CDH13: variants seen among roughly 807,000 people sequenced by gnomAD.
The protein encoded by CDH13 is cadherin-13.
A neutral mutation model predicts 63.8 loss-of-function variants in CDH13; 24 were observed. The observed-to-expected ratio is 0.38, with a 90% CI of 0.27 to 0.53. The LOEUF is 0.53. Ranked by LOEUF, CDH13 falls within the 20% of genes least tolerant of loss-of-function variation. The pLI, the probability that CDH13 is intolerant of heterozygous loss-of-function variation, is 0.85. For missense variants in CDH13, 1,049 were observed against 903.1 expected, an observed-to-expected ratio of 1.16 and a Z score of -2.07; for synonymous variants, 503 against 355.3, an observed-to-expected ratio of 1.42 and a Z score of -4.67.
chr16:83,007,816 G>A lies in CDH13; in HGVS notation c.158-24194G>A, dbSNP rs144056169. On this transcript the variant is annotated intron_variant, in intron 2 of 13. Transcript: ENST00000567109. ...TCTAGTCTGGGCAACAGAGCAAGAC[G>A]ACTCTGTCAAAAAAAAAAAAAGAGA... Among the ~76,000 whole-genome samples the A allele has an allele frequency of 7.7e-3, 1,125 of 145,164 alleles. 21 individuals are homozygous for A. The highest frequency in any genetic ancestry group is 0.014 in the Middle Eastern group (4 of 282).
At chr16:82,906,451 C>G (rs2041650464) in intron 2 of CDH13, among the ~76,000 whole-genome samples, 2 of 152,154 alleles carry the variant, frequency 1.3e-5, no homozygotes, top group African/African-American at 4.8e-5. Flanking sequence ...TGTAAGAGTT[C>G]TTACTTCCAT....
chr16:83,020,816 C>T (rs1445929576), intron 2 of CDH13, among the ~76,000 whole-genome samples: 3 of 152,148 alleles, frequency 2.0e-5, no homozygotes, highest in African/African-American at 2.4e-5. Flanking sequence ...TGGGAAATCA[C>T]GAGACTGTCA....
chr16:83,234,469 G>A (rs536389145), intron 5 of CDH13, among the ~76,000 whole-genome samples: 2 of 152,284 alleles, frequency 1.3e-5, no homozygotes, highest in African/African-American at 2.4e-5. Flanking sequence ...CGCAGGGTCA[G>A]TAGGGAGAGG....
chr16:83,712,247 G>A (rs947629821), intron 10 of CDH13, among the ~76,000 whole-genome samples: 3 of 152,170 alleles, frequency 2.0e-5, no homozygotes, highest in African/African-American at 4.8e-5. Context: ...CCTTTTAAAA[G>A]GGCCTTGAAT....
chr16:83,240,663 T>C (rs1360168844), intron 5 of CDH13, among the ~76,000 whole-genome samples: 1 of 45,026 alleles, frequency 2.2e-5, no homozygotes, highest in African/African-American at 9.9e-5. Flanking sequence ...ATTTCAACTT[T>C]TTTAAATAGT....
At chr16:83,319,994 C>CA (rs1391312136) in intron 5 of CDH13, among the ~76,000 whole-genome samples, 3 of 152,160 alleles carry the variant, frequency 2.0e-5, no homozygotes, top group African/African-American at 7.2e-5. Context: ...TATTCTGCAG[C>CA]ACGTGACACA....
intron 2 of CDH13, among the ~76,000 whole-genome samples, chr16:82,894,230 C>T (rs1403294081): frequency 6.6e-6 from 1 of 152,160 alleles, no homozygotes; most frequent in African/African-American, 2.4e-5. Flanking sequence ...GATGAGATTA[C>T]AGGTGTGAGC....
chr16:83,027,110 C>A lies in CDH13; in HGVS notation c.158-4900C>A, dbSNP rs527761298. ...CACAGCACAGAAGGGAGACCCCCCCCCCCCACCGCCCCGCCTCCAATCCTC... is the reference window on the plus strand; with the variant it reads ...CACAGCACAGAAGGGAGACCCCCCCACCCCACCGCCCCGCCTCCAATCCTC... On this transcript the variant is annotated intron_variant, in intron 2 of 13. Transcript: ENST00000567109. 6.9e-4 allele frequency among the ~76,000 whole-genome samples: 99 copies of A among 143,792 alleles called. 1 individual carries two copies. The South Asian group carries it at 0.012, about 18-fold the overall frequency. The allele number at this position is 143,792 out of a possible 152,430, so 94.3% of individuals were successfully genotyped here. A position where few individuals can be genotyped will look rare whatever the true frequency, so the allele number is the denominator to read the frequency against.
chr16:83,095,273 C>T (rs2034137197), intron 3 of CDH13, among the ~76,000 whole-genome samples: 1 of 152,160 alleles, frequency 6.6e-6, no homozygotes, highest in African/African-American at 2.4e-5. Flanking sequence ...ACTTTCACCT[C>T]AATAATTCTG....
chr16:83,759,892 C>T (rs547394029), intron 11 of CDH13, among the ~76,000 whole-genome samples: 1 of 136,068 alleles, frequency 7.3e-6, no homozygotes, highest in African/African-American at 2.6e-5. Flanking sequence ...CACACCACTG[C>T]ACTCCAGCAT....
intron 6 of CDH13, among the ~76,000 whole-genome samples, chr16:83,425,078 A>G (rs563308718): frequency 1.3e-5 from 2 of 152,150 alleles, no homozygotes; most frequent in East Asian, 1.9e-4. Context: ...CATGCTTACA[A>G]CCTCGGTCAA....
At chr16:82,909,344 T>C (rs953908635) in intron 2 of CDH13, among the ~76,000 whole-genome samples, 4 of 151,822 alleles carry the variant, frequency 2.6e-5, no homozygotes, top group Admixed American at 2.6e-4. Flanking sequence ...GAGGTAATTA[T>C]GTGAGGTAAA....
At chr16:83,214,294 C>G (rs1397876816) in intron 4 of CDH13, among the ~76,000 whole-genome samples, 2 of 151,822 alleles carry the variant, frequency 1.3e-5, no homozygotes, top group Non-Finnish European at 2.9e-5. Context: ...AAAAAGGAAA[C>G]CTAGGCCGGA....
chr16:82,658,790 G>T (rs1911593628), intron 1 of CDH13, among the ~76,000 whole-genome samples: 1 of 152,102 alleles, frequency 6.6e-6, no homozygotes, highest in East Asian at 1.9e-4. Context: ...TCAGTGCCTG[G>T]TACAAAGTCG....
At chr16:82,993,102 A>G (rs148745192) in intron 2 of CDH13, among the ~76,000 whole-genome samples, 106 of 152,172 alleles carry the variant, frequency 7.0e-4, no homozygotes, top group African/African-American at 2.4e-3. Context: ...CTTTGATCTT[A>G]GGTAGGTTAA....
chr16:82,924,675 A>G (rs1006060998), intron 2 of CDH13, among the ~76,000 whole-genome samples: 5 of 152,218 alleles, frequency 3.3e-5, no homozygotes, highest in African/African-American at 7.2e-5. Context: ...ACCGTTATCA[A>G]TCTGGAATGT....
At chr16:83,676,400 C>G (rs907059892) in intron 9 of CDH13, among the ~76,000 whole-genome samples, 2 of 152,160 alleles carry the variant, frequency 1.3e-5, no homozygotes, top group African/African-American at 4.8e-5. Context: ...GTCGTCATGG[C>G]CCAGCAAGCC....
chr16:83,287,074 A>G (rs2089336442), intron 5 of CDH13, among the ~76,000 whole-genome samples: 1 of 152,140 alleles, frequency 6.6e-6, no homozygotes, highest in African/African-American at 2.4e-5. Flanking sequence ...TACCCATGTA[A>G]AAAGGCCATA....
intron 6 of CDH13, among the ~76,000 whole-genome samples, chr16:83,473,336 A>C (rs1299941987): frequency 6.6e-6 from 1 of 152,236 alleles, no homozygotes; most frequent in African/African-American, 2.4e-5. Flanking sequence ...TGTTTGCAAA[A>C]TCAGCAACAT....
Sources: allele counts gnomAD v4.1 joint callset (sites outside exome capture counted in the v4.1 genomes callset), GRCh38; gene constraint gnomAD v4.1.1; transcripts MANE v1.5; gene names NCBI Gene and HGNC (gene_info 2026-07-23, HGNC 2026-07-21).